Variants in BANP observed in about 807,000 individuals in gnomAD.
The protein encoded by BANP is protein BANP.
A neutral mutation model predicts 68.1 loss-of-function variants in BANP; 11 were observed. The observed-to-expected ratio is 0.16, with a 90% CI of 0.10 to 0.27. BANP has a LOEUF of 0.27. Ranked by LOEUF, BANP falls within the 10% of genes least tolerant of loss-of-function variation. BANP has a pLI of 1.00. For missense variants in BANP, 504 were observed against 722.7 expected (o/e 0.70, Z 3.47); for synonymous variants, 329 against 303.2 (o/e 1.09, Z -0.88).
At chr16:88,026,218 C>T (rs149283214) in intron 7 of BANP, among the ~76,000 whole-genome samples, 1 of 152,336 alleles carries the variant, frequency 6.6e-6, no homozygotes, top group Non-Finnish European at 1.5e-5. Context: ...AGACGATGCA[C>T]CTGGCTTTGG....
intron 3 of BANP, among the ~76,000 whole-genome samples, chr16:87,982,200 T>A (rs756587891): frequency 6.6e-6 from 1 of 152,200 alleles, no homozygotes; most frequent in East Asian, 1.9e-4. Flanking sequence ...CTGTTGCACA[T>A]AGAACAGAAA....
In BANP at chr16:88,060,458, C is replaced by T. The variant is rs376399949; in HGVS notation, c.1312-4809C>T. On this transcript the variant is annotated intron_variant, in intron 11 of 13. Transcript: ENST00000682872. ...GCGAGTGATCCTGTGTGGAGGCTTCCGACTGAAGTGAGCTTAGTGGGAACG... is the reference window on the plus strand; with the variant it reads ...GCGAGTGATCCTGTGTGGAGGCTTCTGACTGAAGTGAGCTTAGTGGGAACG... Among the ~76,000 whole-genome samples the T allele has an allele frequency of 2.0e-4, 30 of 152,308 alleles. No homozygotes were observed. In the East Asian group the frequency reaches 3.3e-3, roughly 17 times the overall value.
intron 1 of BANP, among the ~76,000 whole-genome samples, chr16:87,969,349 G>A (rs778967592): frequency 9.2e-5 from 14 of 152,074 alleles, no homozygotes; most frequent in Non-Finnish European, 1.6e-4. Flanking sequence ...TGGCCATTTA[G>A]CATTTTGATA....
rs2088024366 is a variant in BANP, at chr16:88,064,792, T to C, written c.1312-475T>C. Among the ~76,000 whole-genome samples the C allele has an allele frequency of 6.6e-6, 1 of 152,188 alleles. No homozygotes were observed. Among genetic ancestry groups the C allele is most frequent in the Non-Finnish European group, 1.5e-5 (1 of 68,008 alleles). On this transcript the variant is annotated intron_variant, in intron 11 of 13. Coordinates refer to ENST00000682872, the MANE Select transcript of BANP (RefSeq NM_001386991.1). This position sits in a 1 kb window ranked among gnomAD's most constrained non-coding sequence, Gnocchi z 4.5. ...CTTGCCCGCAGGGCACTCCTCTGGC[T>C]GGGATAGGAGACAGCCAGGACCCCT... is the stretch of plus-strand genomic sequence containing the variant.
In BANP at chr16:87,957,871, C is replaced by T. The variant is rs558633649; in HGVS notation, c.-69+6356C>T. On this transcript the variant is annotated intron_variant, in intron 1 of 13. Transcript: ENST00000682872. The surrounding 1 kb of genome is among the most constrained non-coding windows in gnomAD (Gnocchi z 4.3). ...TCTGTGGGCGCTGGTGGCCAGGATG[C>T]GGACAACCCCTGCCGCTACGTGTCC... Among the ~76,000 whole-genome samples, 2 of 152,020 alleles carry T rather than the reference C, an allele frequency of 1.3e-5. No homozygotes were observed. The highest frequency in any genetic ancestry group is 1.9e-4 in the East Asian group (1 of 5,168).
intron 13 of BANP, 121 bp downstream of exon 13, chr16:88,072,333 G>A: frequency 8.6e-7 from 1 of 1,163,284 alleles, no homozygotes; most frequent in Non-Finnish European, 1.2e-6. Context: ...GCACGTGATT[G>A]GACACAGATG....
intron 12 of BANP, among the ~76,000 whole-genome samples, chr16:88,070,113 C>G (rs1340858741): frequency 6.6e-6 from 1 of 152,196 alleles, no homozygotes; most frequent in African/African-American, 2.4e-5. Flanking sequence ...CCCTCGCTTA[C>G]TCTATTAGAG....
chr16:88,030,545 G>A (rs1325290600), intron 8 of BANP, among the ~76,000 whole-genome samples: 4 of 152,214 alleles, frequency 2.6e-5, no homozygotes, highest in Non-Finnish European at 5.9e-5. Context: ...AGAAGCTGCT[G>A]TTATATAACC....
intron 8 of BANP, among the ~76,000 whole-genome samples, chr16:88,029,375 C>T (rs921572853): frequency 6.8e-6 from 1 of 148,080 alleles, no homozygotes; most frequent in African/African-American, 2.5e-5. Context: ...TTTGGGAGGC[C>T]AAGGCGGGCA....
At chr16:87,967,723 G>T (rs944625505) in intron 1 of BANP, among the ~76,000 whole-genome samples, 3 of 151,390 alleles carry the variant, frequency 2.0e-5, no homozygotes, top group African/African-American at 7.3e-5. Flanking sequence ...CTGGGTTCAA[G>T]TGATTCTGCT....
chr16:87,954,577 C>G (rs72631403), intron 1 of BANP, among the ~76,000 whole-genome samples: 37,461 of 152,112 alleles, frequency 0.25, 5,155 homozygotes, highest in East Asian at 0.49. Context: ...CAGATATTTT[C>G]TCTGGGCTGT....
intron 6 of BANP, among the ~76,000 whole-genome samples, chr16:88,006,947 C>CAAAAAAAAAAA (rs11349895): frequency 1.2e-5 from 1 of 81,674 alleles, no homozygotes; most frequent in Non-Finnish European, 2.3e-5. Context: ...GACTCTGTCT[C>CAAAAAAAAAAA]AAAAAAAAAA....
intron 11 of BANP, among the ~76,000 whole-genome samples, chr16:88,061,125 G>A (rs1033614273): frequency 1.3e-5 from 2 of 152,182 alleles, no homozygotes; most frequent in Non-Finnish European, 2.9e-5. Flanking sequence ...CCAAGGCTGT[G>A]CTTGATTGAG....
chr16:88,063,048 A>G (rs891040351), intron 11 of BANP, among the ~76,000 whole-genome samples: 1 of 152,186 alleles, frequency 6.6e-6, no homozygotes, highest in African/African-American at 2.4e-5. Flanking sequence ...TCCACAAACT[A>G]TATCTCAGCC....
At chr16:88,058,184 G>A (rs1258911998) in intron 11 of BANP, among the ~76,000 whole-genome samples, 1 of 152,214 alleles carries the variant, frequency 6.6e-6, no homozygotes, top group African/African-American at 2.4e-5. Flanking sequence ...GCTAAAGTGT[G>A]TTGAGGTGCC....
intron 1 of BANP, among the ~76,000 whole-genome samples, chr16:87,971,824 G>A (rs1416514893): frequency 6.6e-6 from 1 of 152,092 alleles, no homozygotes; most frequent in South Asian, 2.1e-4. Flanking sequence ...ACAGGGTCTC[G>A]TTCTGTTGTC....
chr16:88,072,295 C>T (rs1222582302), intron 13 of BANP, 83 bp downstream of exon 13: 1 of 1,477,410 alleles, frequency 6.8e-7, no homozygotes, highest in Non-Finnish European at 9.0e-7. Context: ...GGCCCCGGGG[C>T]TTTCTCGTGA....
intron 3 of BANP, chr16:87,982,557 A>G (rs1029986009): frequency 2.0e-5 from 3 of 152,156 alleles, no homozygotes; most frequent in Admixed American, 1.3e-4. Context: ...CCTCCTTTGT[A>G]GGTAAGCTGA....
In BANP at chr16:88,002,752, C is replaced by A. The variant is rs2069780468; in HGVS notation, c.363-1543C>A. 6.6e-6 allele frequency among the ~76,000 whole-genome samples: 1 copy of A among 152,188 alleles called. No homozygotes were observed. Among genetic ancestry groups the A allele is most frequent in the South Asian group, 2.1e-4 (1 of 4,826 alleles). ...AGGTATATTTGGTCAAATGACCTTGCCAAATGGTGGCCTGAATACATTTTA... is the reference window on the plus strand; with the variant it reads ...AGGTATATTTGGTCAAATGACCTTGACAAATGGTGGCCTGAATACATTTTA... On this transcript the variant is annotated intron_variant, in intron 4 of 13. Coordinates refer to ENST00000682872, the MANE Select transcript of BANP (RefSeq NM_001386991.1). The surrounding 1 kb of genome is among the most constrained non-coding windows in gnomAD (Gnocchi z 4.6).
Sources: gnomAD v4.1 joint callset for allele counts (sites outside exome capture counted in the v4.1 genomes callset) on GRCh38, gnomAD v4.1.1 for gene constraint, Gnocchi (gnomAD v3.1) non-coding constraint, MANE v1.5 for transcripts, NCBI Gene and HGNC (gene_info 2026-07-23, HGNC 2026-07-21) for gene names.